The following PCDH9 variants were observed in gnomAD, a reference collection of about 807,000 sequenced individuals.
PCDH9 encodes the protein protocadherin 9.
PCDH9 carries 24 observed loss-of-function variants against 70.6 expected under a neutral mutation model. The ratio of observed to expected loss-of-function variants is 0.34; its 90% CI spans 0.25 to 0.48. The LOEUF is 0.48. Among genes scored for constraint, PCDH9 ranks in the 20% least tolerant of loss-of-function variants. The pLI is 0.99. For synonymous variants in PCDH9, 562 were observed against 558.5 expected (o/e 1.01, Z -0.09); for missense variants, 1,281 against 1,503.6 (o/e 0.85, Z 2.45).
intron 3 of PCDH9, among the ~76,000 whole-genome samples, chr13:66,794,999 A>ACACACG (rs1244337518): frequency 5.5e-4 from 83 of 151,926 alleles, no homozygotes; most frequent in African/African-American, 1.9e-3. Context: ...ACACACACAC[A>ACACACG]CACAAATTGA....
At chr13:66,627,519 A>C (rs2077514648) in intron 4 of PCDH9, among the ~76,000 whole-genome samples, 1 of 152,222 alleles carries the variant, frequency 6.6e-6, no homozygotes, top group South Asian at 2.1e-4. Flanking sequence ...CTAGACATTT[A>C]CAAAGGAGGT....
intron 2 of PCDH9, among the ~76,000 whole-genome samples, chr13:67,049,712 C>A (rs1449119217): frequency 1.3e-5 from 2 of 152,148 alleles, no homozygotes; most frequent in Non-Finnish European, 1.5e-5. Flanking sequence ...ATTTACCTTG[C>A]CAGTCTAAGC....
At chr13:66,915,749 A>C (rs1410170759) in intron 2 of PCDH9, among the ~76,000 whole-genome samples, 1 of 151,672 alleles carries the variant, frequency 6.6e-6, no homozygotes, top group Non-Finnish European at 1.5e-5. Context: ...TCAACATGAA[A>C]AGAAACAGGA....
At chr13:67,036,810 A>C (rs2085018199) in intron 2 of PCDH9, among the ~76,000 whole-genome samples, 1 of 152,162 alleles carries the variant, frequency 6.6e-6, no homozygotes, top group African/African-American at 2.4e-5. Context: ...ACTTTCAATA[A>C]GGCTATGCAT....
intron 2 of PCDH9, chr13:67,209,263 T>C (rs2089421590): frequency 6.6e-6 from 1 of 152,142 alleles, no homozygotes; most frequent in Non-Finnish European, 1.5e-5. Context: ...CTTAAGAATG[T>C]ATATTCTTTC....
intron 2 of PCDH9, chr13:67,215,337 C>T (rs985077207): frequency 1.3e-5 from 2 of 151,938 alleles, no homozygotes; most frequent in African/African-American, 4.8e-5. Flanking sequence ...AGAATTTATA[C>T]TTGATTCTGG....
chr13:66,746,455 CAG>C (rs1328482775), intron 3 of PCDH9, among the ~76,000 whole-genome samples: 3 of 151,874 alleles, frequency 2.0e-5, no homozygotes, highest in Non-Finnish European at 4.4e-5. Context: ...TTCCTGAAAA[CAG>C]TGAATTATTC....
Position 66,578,476 on chromosome 13 carries a change from G to T in PCDH9, c.3340+52734C>A, listed in dbSNP as rs1447825974. Among the ~76,000 whole-genome samples the T allele has an allele frequency of 3.3e-5, 5 of 152,100 alleles. 1 individual carries two copies. In the East Asian group the frequency reaches 9.7e-4, roughly 29 times the overall value. Reference sequence around the variant, plus strand: ...TGTAGTCAGCCTACTGTAGGTCCTGGATGATCATTCTACATGTTTGTTGAG... The same window carrying T: ...TGTAGTCAGCCTACTGTAGGTCCTGTATGATCATTCTACATGTTTGTTGAG... On this transcript the variant is annotated intron_variant, in intron 4 of 4. Transcript: ENST00000377865.
intron 4 of PCDH9, among the ~76,000 whole-genome samples, chr13:66,332,362 T>C (rs1332601485): frequency 1.3e-5 from 2 of 152,178 alleles, no homozygotes; most frequent in Middle Eastern, 3.4e-3. Flanking sequence ...ATAATCTTCA[T>C]TTTGTCGAAA....
intron 4 of PCDH9, among the ~76,000 whole-genome samples, chr13:66,559,827 T>C (rs1214535211): frequency 6.8e-5 from 8 of 118,082 alleles, no homozygotes; most frequent in African/African-American, 2.3e-4. Context: ...AATATATATA[T>C]ATATATACAC....
At chr13:66,641,462 C>T (rs796651102) in intron 3 of PCDH9, among the ~76,000 whole-genome samples, 2 of 152,316 alleles carry the variant, frequency 1.3e-5, no homozygotes, top group African/African-American at 4.8e-5. Flanking sequence ...CCTAATTACA[C>T]TCGCAGTGTA....
At chr13:66,349,008 G>C (rs1166860407) in intron 4 of PCDH9, among the ~76,000 whole-genome samples, 1 of 152,068 alleles carries the variant, frequency 6.6e-6, no homozygotes, top group Non-Finnish European at 1.5e-5. Flanking sequence ...ATAGTCACCA[G>C]ACATATCTGC....
At chr13:66,496,862 A>C (rs144936915) in intron 4 of PCDH9, among the ~76,000 whole-genome samples, 1 of 152,314 alleles carries the variant, frequency 6.6e-6, no homozygotes, top group East Asian at 1.9e-4. Flanking sequence ...TTCCAAGGCA[A>C]TGTGGGATTG....
chr13:66,333,319 C>T (rs1955975578), intron 4 of PCDH9, among the ~76,000 whole-genome samples: 1 of 152,120 alleles, frequency 6.6e-6, no homozygotes, highest in Non-Finnish European at 1.5e-5. Context: ...CATCAGAAAT[C>T]TGAAATTCCC....
intron 3 of PCDH9, among the ~76,000 whole-genome samples, chr13:66,799,649 C>T (rs751357246): frequency 2.6e-4 from 40 of 152,146 alleles, no homozygotes; most frequent in African/African-American, 9.2e-4. Context: ...ACACAACTTA[C>T]GTTATTTAAG....
intron 2 of PCDH9, among the ~76,000 whole-genome samples, chr13:66,942,715 C>T (rs932974817): frequency 4.6e-5 from 7 of 152,024 alleles, no homozygotes; most frequent in African/African-American, 1.7e-4. Context: ...ATCCTTTCAA[C>T]AGGAATGTTC....
intron 2 of PCDH9, among the ~76,000 whole-genome samples, chr13:66,957,247 A>G (rs1025265733): frequency 6.6e-6 from 1 of 152,234 alleles, no homozygotes; most frequent in African/African-American, 2.4e-5. Context: ...CTGATAAGCC[A>G]CATAATCCTC....
intron 2 of PCDH9, among the ~76,000 whole-genome samples, chr13:67,139,934 T>G (rs887673459): frequency 1.3e-5 from 2 of 151,264 alleles, no homozygotes; most frequent in Non-Finnish European, 2.9e-5. Flanking sequence ...TGTGACAGGA[T>G]AGAATAGTTT....
intron 4 of PCDH9, among the ~76,000 whole-genome samples, chr13:66,373,719 G>A (rs1956700386): frequency 6.6e-6 from 1 of 152,034 alleles, no homozygotes; most frequent in Non-Finnish European, 1.5e-5. Context: ...CTATATAAGA[G>A]TAGGTAGTAA....
Sources: allele counts gnomAD v4.1 joint callset (sites outside exome capture counted in the v4.1 genomes callset), GRCh38; gene constraint gnomAD v4.1.1; transcripts MANE v1.5; gene names NCBI Gene and HGNC (gene_info 2026-07-23, HGNC 2026-07-21).